Variants in NFIA observed in about 807,000 individuals in gnomAD.
The protein encoded by NFIA is nuclear factor 1 A-type.
A neutral mutation model predicts 62.8 loss-of-function variants in NFIA; 8 were observed. The ratio of observed to expected loss-of-function variants is 0.13; its 90% CI spans 0.07 to 0.23. The LOEUF is 0.23. NFIA is among the 10% of genes least tolerant of loss of function. The pLI is 1.00. For missense variants in NFIA, 410 were observed against 642.1 expected (o/e 0.64, Z 3.91); for synonymous variants, 235 against 238.1 (o/e 0.99, Z 0.12).
chr1:61,390,707 C>T (rs1664928686), intron 7 of NFIA, among the ~76,000 whole-genome samples: 1 of 152,014 alleles, frequency 6.6e-6, no homozygotes, highest in East Asian at 1.9e-4. Context: ...TAGGCATAGA[C>T]AATAATAGAG....
At chr1:61,380,844 A>G (rs1664379840) in intron 6 of NFIA, among the ~76,000 whole-genome samples, 2 of 152,030 alleles carry the variant, frequency 1.3e-5, no homozygotes, top group Admixed American at 6.6e-5. Flanking sequence ...GAAGATTTAA[A>G]TTTTGCTATT....
At chr1:61,312,869 TA>T (rs899109998) in intron 3 of NFIA, among the ~76,000 whole-genome samples, 8 of 151,472 alleles carry the variant, frequency 5.3e-5, no homozygotes, top group East Asian at 1.9e-4. Context: ...CATTAGATGT[TA>T]AAAAAAAATC....
At chr1:61,375,247 C>T (rs1226860517) in intron 6 of NFIA, among the ~76,000 whole-genome samples, 2 of 152,084 alleles carry the variant, frequency 1.3e-5, no homozygotes, top group African/African-American at 4.8e-5. Flanking sequence ...GGATGACTTG[C>T]AAAAGATGGT....
intron 2 of NFIA, among the ~76,000 whole-genome samples, chr1:61,221,956 CATT>C (rs1177266666): frequency 8.5e-5 from 13 of 152,178 alleles, no homozygotes; most frequent in Non-Finnish European, 1.6e-4. Context: ...AATGAACAGA[CATT>C]GTTGGTTTGT....
intron 1 of NFIA, 25 bp downstream of exon 1, chr1:61,082,843 G>A (rs1646137436): frequency 1.3e-6 from 2 of 1,547,774 alleles, no homozygotes; most frequent in South Asian, 2.4e-5. Flanking sequence ...GGATGCGGAG[G>A]GCTTGGGGGC....
intron 6 of NFIA, among the ~76,000 whole-genome samples, chr1:61,367,218 T>C (rs1425220691): frequency 1.3e-5 from 2 of 152,156 alleles, no homozygotes; most frequent in African/African-American, 4.8e-5. Context: ...CATTTATCAA[T>C]TGTAAGAGTG....
At chr1:61,336,705 C>T (rs188045137) in intron 4 of NFIA, among the ~76,000 whole-genome samples, 245 of 152,306 alleles carry the variant, frequency 1.6e-3, no homozygotes, top group African/African-American at 5.6e-3. Context: ...TCTTTTTACT[C>T]TCTCCATAGT....
intron 2 of NFIA, among the ~76,000 whole-genome samples, chr1:61,091,828 A>G (rs1473114536): frequency 6.6e-6 from 1 of 151,938 alleles, no homozygotes; most frequent in African/African-American, 2.4e-5. Flanking sequence ...CACTCAACCG[A>G]GAAGTTTCTG....
chr1:61,420,024 A>T (rs910523056), intron 9 of NFIA, among the ~76,000 whole-genome samples: 1 of 152,226 alleles, frequency 6.6e-6, no homozygotes, highest in Non-Finnish European at 1.5e-5. Context: ...TCTAGATGCT[A>T]AACATCTGGA....
intron 4 of NFIA, among the ~76,000 whole-genome samples, chr1:61,333,999 C>CA (rs1227086744): frequency 6.6e-6 from 1 of 152,090 alleles, no homozygotes; most frequent in Admixed American, 6.5e-5. Flanking sequence ...GACTCCATCT[C>CA]AAAAAACAAA....
At chr1:61,454,020 C>T (rs940853938) in intron 10 of NFIA, among the ~76,000 whole-genome samples, 3 of 152,314 alleles carry the variant, frequency 2.0e-5, no homozygotes, top group Middle Eastern at 3.4e-3. Context: ...ACTAGGAAAT[C>T]TTATACCAAA....
At chr1:61,114,300 A>G (rs1009194760) in intron 2 of NFIA, among the ~76,000 whole-genome samples, 1 of 152,176 alleles carries the variant, frequency 6.6e-6, no homozygotes, top group Non-Finnish European at 1.5e-5. Context: ...AGCCTGGACA[A>G]CATAGCAAGA....
chr1:61,194,574 A>G lies in NFIA; in HGVS notation c.560-82946A>G, dbSNP rs1331356651. Among the ~76,000 whole-genome samples the G allele has an allele frequency of 7.6e-4, 115 of 152,206 alleles. 2 individuals carry two copies. The highest frequency in any genetic ancestry group is 1.5e-5 in the Non-Finnish European group (1 of 68,024). ...CATGCAAACTTAATTAATTTTCACA[A>G]AACCCCTGTAAGGTAGGCAAGGTAG... On this transcript the variant is annotated intron_variant, in intron 2 of 10. Coordinates refer to ENST00000403491, the MANE Select transcript of NFIA (RefSeq NM_001134673.4).
Position 61,362,648 on chromosome 1 carries a change from T to C in NFIA, c.946+3374T>C, listed in dbSNP as rs1663360797. Among the ~76,000 whole-genome samples, 4 of 152,344 alleles carry C rather than the reference T, an allele frequency of 2.6e-5. No homozygotes were observed. The South Asian group carries it at 8.3e-4, about 32-fold the overall frequency. ...CCCCATTAGTTTATCTCAGCACTTT[T>C]AGTGCACAGCTCTTATTATCTGGGA... is the stretch of plus-strand genomic sequence containing the variant. On this transcript the variant is annotated intron_variant, in intron 6 of 10. Coordinates refer to ENST00000403491, the MANE Select transcript of NFIA (RefSeq NM_001134673.4).
intron 3 of NFIA, among the ~76,000 whole-genome samples, chr1:61,309,492 A>AAC (rs1009508602): frequency 2.3e-3 from 97 of 43,048 alleles, no homozygotes; most frequent in African/African-American, 5.2e-3. Context: ...CAACAACAAC[A>AAC]AAAAAAAAAA....
At chr1:61,138,889 G>C (rs1293435191) in intron 2 of NFIA, among the ~76,000 whole-genome samples, 23 of 150,850 alleles carry the variant, frequency 1.5e-4, no homozygotes, top group Non-Finnish European at 1.5e-5. Flanking sequence ...GCTAGAATTA[G>C]TCATTTTAAA....
Position 61,082,726 on chromosome 1 carries a change from C to T in NFIA, c.-66C>T, listed in dbSNP as rs1183178223. Reference sequence around the variant, plus strand: ...TCTCTCCCTCTTTCTCCTCTCTCACCCACACTCACGCACACCTCCAAACCG... The same window carrying T: ...TCTCTCCCTCTTTCTCCTCTCTCACTCACACTCACGCACACCTCCAAACCG... On this transcript the variant is annotated 5_prime_UTR_variant, in exon 1 of 11. Coordinates refer to ENST00000403491, the MANE Select transcript of NFIA (RefSeq NM_001134673.4). The T allele has an allele frequency of 6.5e-7, 1 of 1,549,232 alleles. No homozygotes were observed. The highest frequency in any genetic ancestry group is 1.2e-5 in the South Asian group (1 of 83,960).
intron 3 of NFIA, among the ~76,000 whole-genome samples, chr1:61,278,372 A>G (rs892803639): frequency 9.2e-5 from 14 of 152,342 alleles, no homozygotes; most frequent in African/African-American, 3.4e-4. Flanking sequence ...ATTGTGTTAC[A>G]TACTTTCACA....
intron 2 of NFIA, among the ~76,000 whole-genome samples, chr1:61,239,056 T>C (rs1023859985): frequency 1.3e-5 from 2 of 152,242 alleles, no homozygotes; most frequent in Non-Finnish European, 2.9e-5. Context: ...ATGAATATTT[T>C]AAAATAAAAG....
Sources: allele counts gnomAD v4.1 joint callset (sites outside exome capture counted in the v4.1 genomes callset), GRCh38; gene constraint gnomAD v4.1.1; transcripts MANE v1.5; gene names NCBI Gene and HGNC (gene_info 2026-07-23, HGNC 2026-07-21).